The following CHRD variants were observed in gnomAD, a reference collection of about 807,000 sequenced individuals.
CHRD encodes the protein chordin.
In CHRD, 69 loss-of-function variants were observed where a neutral mutation model predicts 113.7. The observed-to-expected ratio is 0.61, with a 90% CI of 0.50 to 0.74. The LOEUF is 0.74. Among genes scored for constraint, CHRD ranks in the 30% least tolerant of loss-of-function variants. The pLI is 0.00. For missense variants in CHRD, 1,194 were observed against 1,295.8 expected, an observed-to-expected ratio of 0.92 and a Z score of 1.21; for synonymous variants, 561 against 540.8, an observed-to-expected ratio of 1.04 and a Z score of -0.52.
At position 184,385,014 on chromosome 3, in the gene CHRD, C is replaced by A. The variant is rs1222348431; in HGVS notation, c.1598-4C>A. 6.2e-7 allele frequency: 1 copy of A among 1,613,524 alleles called. No individual in the cohort carries two copies. Among genetic ancestry groups the A allele is most frequent in the Non-Finnish European group, 8.5e-7 (1 of 1,179,830 alleles). On this transcript the variant is annotated splice_region_variant and splice_polypyrimidine_tract_variant and intron_variant, in intron 13 of 22. Transcript: ENST00000204604. Reference sequence around the variant, plus strand: ...CCTGTCATCTCTCCTCTGTCTGGACCCAGCGCTGCCCGTGCCCCTAGCAGG... The same window carrying A: ...CCTGTCATCTCTCCTCTGTCTGGACACAGCGCTGCCCGTGCCCCTAGCAGG...
chr3:184,387,594 T>A lies in CHRD; in HGVS notation c.2451+117T>A. 1 of 982,004 alleles carries A rather than the reference T, an allele frequency of 1.0e-6. No individual in the cohort carries two copies. The highest frequency in any genetic ancestry group is 1.5e-6 in the Non-Finnish European group (1 of 681,382). The allele number at this position is 982,004 out of a possible 1,614,324, so 60.8% of individuals were successfully genotyped here. A position where few individuals can be genotyped will look rare whatever the true frequency, so the allele number is the denominator to read the frequency against. ...GAGGAGGGCTCAAGAATCAAAACGA[T>A]ATGAGAAAAGGCCCTTGCGCTCTGA... is the stretch of plus-strand genomic sequence containing the variant. On this transcript the variant is annotated intron_variant, in intron 19 of 22. Transcript: ENST00000204604. The surrounding 1 kb of genome is among the most constrained non-coding windows in gnomAD (Gnocchi z 6.1).
chr3:184,387,163 A>C lies in CHRD; in HGVS notation c.2347+56A>C. On this transcript the variant is annotated intron_variant, in intron 18 of 22. Coordinates refer to ENST00000204604, the Ensembl canonical transcript of CHRD. This position sits in a 1 kb window ranked among gnomAD's most constrained non-coding sequence, Gnocchi z 6.1. ...GGCCCCAGAGGAGCCATTAGGTTGAACCAGGAGGGGGACAAGAAGGGGAGA... is the reference window on the plus strand; with the variant it reads ...GGCCCCAGAGGAGCCATTAGGTTGACCCAGGAGGGGGACAAGAAGGGGAGA... 6.5e-7 allele frequency: 1 copy of C among 1,530,240 alleles called. No homozygotes were observed. Among genetic ancestry groups the C allele is most frequent in the Non-Finnish European group, 9.1e-7 (1 of 1,104,186 alleles). The allele number at this position is 1,530,240 out of a possible 1,614,324, so 94.8% of individuals were successfully genotyped here. A position where few individuals can be genotyped will look rare whatever the true frequency, so the allele number is the denominator to read the frequency against.
chr3:184,383,207 A>G (rs1715749670), intron 10 of CHRD, 44 bp downstream of exon 10: 2 of 1,590,244 alleles, frequency 1.3e-6, no homozygotes, highest in Non-Finnish European at 1.7e-6. Flanking sequence ...TGCACAACTG[A>G]GAGACACAGA....
In CHRD at chr3:184,388,995, C is replaced by T. The variant is rs202232030; in HGVS notation, c.2812C>T (p.Pro938Ser). The T allele has an allele frequency of 1.2e-4, 194 of 1,606,714 alleles. 1 individual carries two copies. In the East Asian group the frequency reaches 3.9e-3, roughly 32 times the overall value. ...TTCCCGCTGCACGGCCCACCGGCGG[C>T]GTAAGTGAGGGAGTCCAGGGTCAGC... The change falls in exon 22 of 23, where the codon CCA (proline) becomes TCA (serine). Residue 938 changes from proline (P) to serine (S), a missense_variant and splice_region_variant. Coordinates refer to ENST00000204604, the Ensembl canonical transcript of CHRD. This position sits in a 1 kb window ranked among gnomAD's most constrained non-coding sequence, Gnocchi z 6.1.
At position 184,383,178 on chromosome 3, in the gene CHRD, G is replaced by T; in HGVS notation, c.1213+15G>T. On this transcript the variant is annotated intron_variant, in intron 10 of 22. Transcript: ENST00000204604. ...GAGCTGCGACGGTGAGGCGGGGGGG[G>T]GGCCTGGTGCGCCGGGCATGCACAA... is the stretch of plus-strand genomic sequence containing the variant. The T allele has an allele frequency of 6.3e-7, 1 of 1,594,870 alleles. No individual in the cohort carries two copies. The highest frequency in any genetic ancestry group is 1.1e-5 in the South Asian group (1 of 89,050).
chr3:184,389,752 T>G (rs1716206952), exon 23 of CHRD: 1 of 281,414 alleles, frequency 3.6e-6, no homozygotes, highest in Non-Finnish European at 6.9e-6. Flanking sequence ...CCCCCGACAC[T>G]CCACTCCTGC....
chr3:184,382,588 G>A (rs549778814), intron 7 of CHRD, 46 bp from the exon 8 acceptor site: 16 of 1,609,646 alleles, frequency 9.9e-6, no homozygotes, highest in Non-Finnish European at 1.4e-5. Context: ...ACCCAGGAAA[G>A]GGGGGGAGGG....
At chr3:184,389,472 A>G (rs781016375) in exon 23 of CHRD, 1 of 1,565,302 alleles carries the variant, frequency 6.4e-7, no homozygotes, top group South Asian at 1.1e-5. Flanking sequence ...TGAGCTGGGG[A>G]AGGGGTGGCA....
exon 17 of CHRD, chr3:184,386,908 G>T: frequency 1.9e-6 from 3 of 1,614,206 alleles, no homozygotes; most frequent in Non-Finnish European, 2.5e-6. Flanking sequence ...CCCGGTGCAG[G>T]CTCCCGACCA....
At chr3:184,389,777 G>A (rs1242363795) in exon 23 of CHRD, 1 of 233,688 alleles carries the variant, frequency 4.3e-6, no homozygotes, top group Non-Finnish European at 8.5e-6. Context: ...CCTGAGCTGA[G>A]CAGAGTCATT....
At chr3:184,383,598 A>G in exon 12 of CHRD, 1 of 1,613,910 alleles carries the variant, frequency 6.2e-7, no homozygotes, top group Non-Finnish European at 8.5e-7. Context: ...GGATCAGCGC[A>G]CTGTCCTGTG....
Position 184,381,973 on chromosome 3 carries a change from G to A in CHRD, c.652G>A (p.Gly218Ser). Residue 218 changes from glycine to serine, a missense_variant, in exon 6 of 23, where the codon GGC becomes AGC. By Grantham distance (56) the Gly-to-Ser change is moderately conservative. Coordinates refer to ENST00000204604, the Ensembl canonical transcript of CHRD. This position sits in a 1 kb window ranked among gnomAD's most constrained non-coding sequence, Gnocchi z 4.7. ...CAGGATCCGCTTCTCAGACTCCAAT[G>A]GCAGTGTCCTGTTTGAGCACCCTGC... The A allele has an allele frequency of 6.2e-7, 1 of 1,614,122 alleles. No individual in the cohort carries two copies. Among genetic ancestry groups the A allele is most frequent in the African/African-American group, 1.3e-5 (1 of 75,054 alleles).
chr3:184,380,503 C>A lies in CHRD; in HGVS notation c.148+37C>A. 8.9e-7 allele frequency: 1 copy of A among 1,117,426 alleles called. No individual in the cohort carries two copies. Among genetic ancestry groups the A allele is most frequent in the South Asian group, 3.6e-5 (1 of 28,132 alleles). The allele number at this position is 1,117,426 out of a possible 1,614,324, so 69.2% of individuals were successfully genotyped here. A position where few individuals can be genotyped will look rare whatever the true frequency, so the allele number is the denominator to read the frequency against. On this transcript the variant is annotated intron_variant, in intron 1 of 22. Transcript: ENST00000204604. This position sits in a 1 kb window ranked among gnomAD's most constrained non-coding sequence, Gnocchi z 6.3. The stretch of plus-strand genomic sequence containing the variant: ...CCCGGGGGAGGCGCGGGCGGGGAGT[C>A]GGGCTCGGGGCGAGTCAGCGCCAGC...
chr3:184,388,650 G>A lies in CHRD; in HGVS notation c.2618G>A (p.Arg873His), dbSNP rs751893106. The stretch of plus-strand genomic sequence containing the variant: ...CAGGCTGATGGGCCCCGGGGCTGCC[G>A]TTTTGCTGGGCAGTGGTTCCCAGAG... Residue 873 changes from arginine (R) to histidine (H), a missense_variant, in exon 21 of 23, where the codon CGT becomes CAT. Physicochemically the swap from Arg to His is conservative, Grantham distance 29. Transcript: ENST00000204604. This position sits in a 1 kb window ranked among gnomAD's most constrained non-coding sequence, Gnocchi z 6.1. The A allele has an allele frequency of 2.7e-5, 44 of 1,613,636 alleles. No homozygotes were observed. The highest frequency in any genetic ancestry group is 1.6e-4 in the South Asian group (15 of 91,092).
chr3:184,386,075 G>A (rs569459942), exon 15 of CHRD: 9 of 1,614,214 alleles, frequency 5.6e-6, no homozygotes, highest in Admixed American at 1.7e-5. Flanking sequence ...ACCTGGAGCC[G>A]GAACTGCTGC....
intron 17 of CHRD, 51 bp from the exon 18 acceptor site, chr3:184,387,000 A>T (rs1439946134): frequency 1.2e-6 from 2 of 1,613,282 alleles, no homozygotes; most frequent in Admixed American, 3.3e-5. Context: ...TCCTTTGGGG[A>T]GGGAATGAGG....
Position 184,388,484 on chromosome 3 carries a change from C to T in CHRD, c.2555-103C>T. On this transcript the variant is annotated intron_variant, in intron 20 of 22. Coordinates refer to ENST00000204604, the Ensembl canonical transcript of CHRD. This position sits in a 1 kb window ranked among gnomAD's most constrained non-coding sequence, Gnocchi z 6.1. ...CCACCCACCCATCCAAATTTATCAC[C>T]TACTAAGTGCCAGAAACTGCAACGT... The T allele has an allele frequency of 7.5e-7, 1 of 1,341,592 alleles. No homozygotes were observed. The highest frequency in any genetic ancestry group is 2.3e-5 in the East Asian group (1 of 43,052). The allele number at this position is 1,341,592 out of a possible 1,614,324, so 83.1% of individuals were successfully genotyped here. A position where few individuals can be genotyped will look rare whatever the true frequency, so the allele number is the denominator to read the frequency against.
rs760070606 is a variant in CHRD, at chr3:184,381,906, C to A, written c.612-27C>A. The A allele has an allele frequency of 1.9e-6, 3 of 1,613,664 alleles. No individual in the cohort carries two copies. In the East Asian group the frequency reaches 6.7e-5, roughly 36 times the overall value. On this transcript the variant is annotated intron_variant, in intron 5 of 22. Coordinates refer to ENST00000204604, the Ensembl canonical transcript of CHRD. This position sits in a 1 kb window ranked among gnomAD's most constrained non-coding sequence, Gnocchi z 4.7. The stretch of plus-strand genomic sequence containing the variant: ...GGGAGGGGCTGCTTTTGGCTCAGTC[C>A]GGCCTCACCCGACCTCTCATTCCCA...
At chr3:184,389,335 C>T in intron 22 of CHRD, 32 bp from the exon 23 acceptor site, 1 of 1,608,564 alleles carries the variant, frequency 6.2e-7, no homozygotes. Context: ...TCCCTCTCCC[C>T]TCCTCCAACA....
Sources: allele counts gnomAD v4.1 joint callset, GRCh38; gene constraint gnomAD v4.1.1; non-coding constraint Gnocchi (gnomAD v3.1); transcripts MANE v1.5; gene names NCBI Gene and HGNC (gene_info 2026-07-23, HGNC 2026-07-21).